The following STXBP5L variants were observed in gnomAD, a reference collection of about 807,000 sequenced individuals.
STXBP5L encodes the protein syntaxin binding protein 5L.
Under a neutral mutation model 144.5 loss-of-function variants are expected in STXBP5L, and 65 were observed. The observed-to-expected ratio is 0.45, with a 90% CI of 0.37 to 0.55. The LOEUF (loss-of-function observed/expected upper bound fraction) is 0.55. Ranked by LOEUF, STXBP5L falls within the 20% of genes least tolerant of loss-of-function variation. STXBP5L has a pLI of 0.00. For missense variants in STXBP5L, 1,298 were observed against 1,405.5 expected, an observed-to-expected ratio of 0.92 and a Z score of 1.22; for synonymous variants, 505 against 469.6, an observed-to-expected ratio of 1.08 and a Z score of -0.97.
intron 22 of STXBP5L, among the ~76,000 whole-genome samples, chr3:121,393,555 A>G (rs933554432): frequency 6.6e-6 from 1 of 152,146 alleles, no homozygotes; most frequent in Non-Finnish European, 1.5e-5. Flanking sequence ...TAGCATTTTT[A>G]TAGTTTCAGG....
chr3:120,942,788 A>G (rs1397484944), intron 2 of STXBP5L, among the ~76,000 whole-genome samples: 1 of 151,566 alleles, frequency 6.6e-6, no homozygotes. Flanking sequence ...AAGTTGAATA[A>G]TAATGGGAAT....
At chr3:121,314,695 G>T (rs1024825609) in intron 19 of STXBP5L, among the ~76,000 whole-genome samples, 1 of 151,956 alleles carries the variant, frequency 6.6e-6, no homozygotes, top group African/African-American at 2.4e-5. Context: ...GAGTGAACAG[G>T]CAACCTACAA....
chr3:121,142,723 C>T (rs892697358), intron 7 of STXBP5L, among the ~76,000 whole-genome samples: 1 of 151,468 alleles, frequency 6.6e-6, no homozygotes, highest in Non-Finnish European at 1.5e-5. Context: ...CACACTCTAC[C>T]AAAAATTATG....
chr3:121,244,060 G>A (rs1268813396), intron 14 of STXBP5L, among the ~76,000 whole-genome samples: 1 of 151,850 alleles, frequency 6.6e-6, no homozygotes, highest in Non-Finnish European at 1.5e-5. Context: ...TATTCTAAAT[G>A]GGAAAAGGGT....
intron 19 of STXBP5L, among the ~76,000 whole-genome samples, chr3:121,283,952 G>A (rs559137416): frequency 6.6e-6 from 1 of 151,472 alleles, no homozygotes; most frequent in East Asian, 1.9e-4. Context: ...TCTGGAACAT[G>A]GCTTTGTGGA....
intron 3 of STXBP5L, among the ~76,000 whole-genome samples, chr3:120,981,045 G>T (rs1350708861): frequency 6.6e-6 from 1 of 151,886 alleles, no homozygotes; most frequent in Non-Finnish European, 1.5e-5. Flanking sequence ...GCATCTTCTT[G>T]TTTGTAAGGT....
intron 9 of STXBP5L, among the ~76,000 whole-genome samples, chr3:121,180,590 C>A (rs549743683): frequency 1.1e-4 from 17 of 152,162 alleles, no homozygotes; most frequent in African/African-American, 3.9e-4. Context: ...CAGTACCTCA[C>A]CAGCTGGGCA....
chr3:121,194,136 T>C (rs1174414166), intron 9 of STXBP5L, among the ~76,000 whole-genome samples: 1 of 152,134 alleles, frequency 6.6e-6, no homozygotes, highest in Non-Finnish European at 1.5e-5. Flanking sequence ...AATGTTACGA[T>C]ATTTTCATTA....
intron 3 of STXBP5L, among the ~76,000 whole-genome samples, chr3:120,966,659 T>G (rs1939615996): frequency 1.3e-5 from 2 of 152,268 alleles, no homozygotes; most frequent in African/African-American, 4.8e-5. Context: ...TGCTGCCTGA[T>G]CCTTCCTCTG....
chr3:121,404,923 T>C (rs541897479), intron 22 of STXBP5L, among the ~76,000 whole-genome samples: 5 of 152,222 alleles, frequency 3.3e-5, no homozygotes, highest in African/African-American at 7.2e-5. Flanking sequence ...TTCTGGAGAC[T>C]GAAACTCTAA....
chr3:121,313,737 ACC>A (rs551135993), intron 19 of STXBP5L, among the ~76,000 whole-genome samples: 6 of 73,252 alleles, frequency 8.2e-5, no homozygotes, highest in South Asian at 6.6e-4. Flanking sequence ...CGGGGGGCTG[ACC>A]CCCCCCACCT....
rs1410752420 is a variant in STXBP5L, at chr3:121,113,675, T to TC, written c.471-1250_471-1249insC. 2.3e-3 allele frequency among the ~76,000 whole-genome samples: 332 copies of TC among 144,048 alleles called. 2 individuals are homozygous for TC. The highest frequency in any genetic ancestry group is 7.8e-3 in the African/African-American group (303 of 38,614). 94.5% of individuals were successfully genotyped at this position (144,048 alleles called of 152,430 possible). ...ACTTTTATTCTTTTTTCTTTTTCTT[T>TC]TTTTTTTTTTTTTTTGTGACACAGA... is the stretch of plus-strand genomic sequence containing the variant. On this transcript the variant is annotated intron_variant, in intron 5 of 26. Coordinates refer to ENST00000471454, the MANE Select transcript of STXBP5L (RefSeq NM_001308330.2).
intron 7 of STXBP5L, among the ~76,000 whole-genome samples, chr3:121,144,775 C>T (rs1277345443): frequency 6.6e-6 from 1 of 151,852 alleles, no homozygotes; most frequent in Admixed American, 6.6e-5. Context: ...AGTATCCCTT[C>T]GTGTACCTAT....
intron 3 of STXBP5L, among the ~76,000 whole-genome samples, chr3:120,988,259 A>T (rs570672828): frequency 6.6e-6 from 1 of 151,236 alleles, no homozygotes; most frequent in Admixed American, 6.6e-5. Context: ...AGTGTTATTA[A>T]TTATTCTCTC....
rs547521368 is a variant in STXBP5L, at chr3:121,416,233, A to G, written c.3226+265A>G. Reference sequence around the variant, plus strand: ...ATTCATACAAATAATGAGCAAGCTAATAAATATCTCATTTGCAAGTAGATC... The same window carrying G: ...ATTCATACAAATAATGAGCAAGCTAGTAAATATCTCATTTGCAAGTAGATC... On this transcript the variant is annotated intron_variant, in intron 25 of 26. Coordinates refer to ENST00000471454, the MANE Select transcript of STXBP5L (RefSeq NM_001308330.2). Among the ~76,000 whole-genome samples the G allele has an allele frequency of 4.7e-4, 72 of 152,108 alleles. No homozygotes were observed. In the South Asian group the frequency reaches 0.014, roughly 29 times the overall value.
At chr3:120,976,283 G>T (rs1017170980) in intron 3 of STXBP5L, among the ~76,000 whole-genome samples, 1 of 152,162 alleles carries the variant, frequency 6.6e-6, no homozygotes, top group African/African-American at 2.4e-5. Context: ...GAGGGTGTAT[G>T]TGTCCAGGAA....
intron 3 of STXBP5L, 38 bp downstream of exon 3, chr3:120,955,075 T>TTGGCATTACTGTG: frequency 7.3e-7 from 1 of 1,364,610 alleles, no homozygotes; most frequent in Non-Finnish European, 1.0e-6. Context: ...GCCACAGTAA[T>TTGGCATTACTGTG]GCCAATTACA....
At chr3:121,398,059 C>G (rs1315453517) in intron 22 of STXBP5L, among the ~76,000 whole-genome samples, 1 of 152,142 alleles carries the variant, frequency 6.6e-6, no homozygotes, top group Non-Finnish European at 1.5e-5. Flanking sequence ...CTTCCAAATC[C>G]TCCTGTTCGT....
intron 14 of STXBP5L, among the ~76,000 whole-genome samples, chr3:121,245,802 C>T (rs770428542): frequency 6.6e-6 from 1 of 151,940 alleles, no homozygotes; most frequent in Non-Finnish European, 1.5e-5. Flanking sequence ...CAAACATTGA[C>T]AAAATTGAAG....
Sources: allele counts gnomAD v4.1 joint callset (sites outside exome capture counted in the v4.1 genomes callset), GRCh38; gene constraint gnomAD v4.1.1; transcripts MANE v1.5; gene names NCBI Gene and HGNC (gene_info 2026-07-23, HGNC 2026-07-21).